The following CACNA2D3 variants were observed in gnomAD, a reference collection of about 807,000 sequenced individuals.
CACNA2D3 encodes voltage-dependent calcium channel subunit alpha-2/delta-3.
CACNA2D3 carries 60 observed loss-of-function variants against 160.6 expected under a neutral mutation model. The observed-to-expected ratio is 0.37, with a 90% CI of 0.30 to 0.46. The LOEUF (loss-of-function observed/expected upper bound fraction) is 0.46, where lower values mean the gene tolerates loss of function less well. Ranked by LOEUF, CACNA2D3 falls within the 20% of genes least tolerant of loss-of-function variation. CACNA2D3 has a pLI of 1.00. For synonymous variants in CACNA2D3, 558 were observed against 492.9 expected, an observed-to-expected ratio of 1.13 and a Z score of -1.75; for missense variants, 1,205 against 1,365.0, an observed-to-expected ratio of 0.88 and a Z score of 1.85.
intron 3 of CACNA2D3, among the ~76,000 whole-genome samples, chr3:54,357,974 T>C (rs1698678298): frequency 6.6e-6 from 1 of 152,234 alleles, no homozygotes; most frequent in Admixed American, 6.5e-5. Flanking sequence ...CTGCTTTGTA[T>C]GATACTGTAA....
intron 11 of CACNA2D3, among the ~76,000 whole-genome samples, chr3:54,645,111 G>A (rs1240846261): frequency 2.6e-5 from 4 of 152,214 alleles, no homozygotes; most frequent in Non-Finnish European, 4.4e-5. Context: ...ACTCACAATT[G>A]TGCATGGCTG....
intron 4 of CACNA2D3, among the ~76,000 whole-genome samples, chr3:54,400,351 G>C (rs551369910): frequency 6.6e-6 from 1 of 151,842 alleles, no homozygotes; most frequent in Non-Finnish European, 1.5e-5. Flanking sequence ...TTAGAACTCA[G>C]GTGCCAAAAT....
intron 5 of CACNA2D3, among the ~76,000 whole-genome samples, chr3:54,553,819 T>C (rs1006496393): frequency 1.3e-5 from 2 of 152,304 alleles, no homozygotes; most frequent in East Asian, 3.9e-4. Context: ...CCATGAAGTT[T>C]CTGATTGCCT....
At chr3:54,916,140 T>C (rs1700654475) in intron 27 of CACNA2D3, among the ~76,000 whole-genome samples, 1 of 152,134 alleles carries the variant, frequency 6.6e-6, no homozygotes, top group African/African-American at 2.4e-5. Context: ...TAATGTAATA[T>C]CCGTTCAAGT....
At chr3:54,262,686 G>A (rs1276673135) in intron 2 of CACNA2D3, among the ~76,000 whole-genome samples, 1 of 152,124 alleles carries the variant, frequency 6.6e-6, no homozygotes, top group Admixed American at 6.5e-5. Flanking sequence ...TGGAGCTGGG[G>A]GACACAGGGG....
At chr3:54,138,508 G>A (rs764781856) in intron 2 of CACNA2D3, among the ~76,000 whole-genome samples, 4 of 152,168 alleles carry the variant, frequency 2.6e-5, no homozygotes, top group Admixed American at 6.5e-5. Flanking sequence ...CACTGCATCC[G>A]GTGTTTGTTA....
intron 3 of CACNA2D3, among the ~76,000 whole-genome samples, chr3:54,363,234 T>A (rs1698774334): frequency 6.6e-6 from 1 of 152,122 alleles, no homozygotes; most frequent in Non-Finnish European, 1.5e-5. Flanking sequence ...CAATCACTTT[T>A]GCATTTTATG....
Position 54,777,769 on chromosome 3 carries a change from A to G in CACNA2D3, c.1380+13418A>G, listed in dbSNP as rs756413457. Among the ~76,000 whole-genome samples the G allele has an allele frequency of 3.9e-5, 6 of 152,300 alleles. No homozygotes were observed. The East Asian group carries it at 5.8e-4, about 15-fold the overall frequency. On this transcript the variant is annotated intron_variant, in intron 13 of 37. Transcript: ENST00000474759. ...CTTCCTTTGAGGAACATGGGGTTCAATGGACCCCCATGGTATTCCAATAGC... is the reference window on the plus strand; with the variant it reads ...CTTCCTTTGAGGAACATGGGGTTCAGTGGACCCCCATGGTATTCCAATAGC...
At chr3:54,861,522 G>A (rs1457281800) in intron 17 of CACNA2D3, among the ~76,000 whole-genome samples, 3 of 152,142 alleles carry the variant, frequency 2.0e-5, no homozygotes, top group African/African-American at 7.2e-5. Flanking sequence ...GGAGCTATGA[G>A]GATTCCAGCC....
intron 11 of CACNA2D3, among the ~76,000 whole-genome samples, chr3:54,708,224 G>A (rs960406038): frequency 6.6e-6 from 1 of 152,096 alleles, no homozygotes; most frequent in South Asian, 2.1e-4. Context: ...CTAATTCACT[G>A]GTCTTTAATC....
intron 11 of CACNA2D3, among the ~76,000 whole-genome samples, chr3:54,740,435 G>C (rs2107040173): frequency 6.6e-6 from 1 of 152,196 alleles, no homozygotes; most frequent in Middle Eastern, 3.4e-3. Flanking sequence ...CCTACAGTAG[G>C]GTCTTCAGCC....
intron 4 of CACNA2D3, among the ~76,000 whole-genome samples, chr3:54,390,201 T>C (rs1465411558): frequency 2.0e-5 from 3 of 152,338 alleles, no homozygotes; most frequent in East Asian, 3.9e-4. Context: ...TTTGTGGTTT[T>C]AGTTCAGCCA....
At chr3:54,995,076 C>T (rs573053754) in intron 31 of CACNA2D3, among the ~76,000 whole-genome samples, 3 of 152,174 alleles carry the variant, frequency 2.0e-5, no homozygotes, top group East Asian at 3.9e-4. Flanking sequence ...CGGATTCAAG[C>T]GATTTTCCTG....
At chr3:54,503,785 T>C (rs1701328350) in intron 5 of CACNA2D3, 131 bp downstream of exon 5, 1 of 740,990 alleles carries the variant, frequency 1.3e-6, no homozygotes, top group Non-Finnish European at 2.2e-6. Flanking sequence ...AAGCTGAGTG[T>C]GTCAGGTATC....
chr3:54,739,416 A>G (rs1310362063), intron 11 of CACNA2D3, among the ~76,000 whole-genome samples: 1 of 120,576 alleles, frequency 8.3e-6, no homozygotes, highest in African/African-American at 3.2e-5. Flanking sequence ...GGAGAGTGAG[A>G]CTCTGTCTCA....
intron 35 of CACNA2D3, among the ~76,000 whole-genome samples, chr3:55,072,218 T>A (rs1205279207): frequency 6.6e-6 from 1 of 152,184 alleles, no homozygotes; most frequent in East Asian, 1.9e-4. Context: ...TGAGGAAACA[T>A]CTTTGCACAG....
intron 17 of CACNA2D3, among the ~76,000 whole-genome samples, chr3:54,854,869 A>C (rs1462178582): frequency 6.6e-6 from 1 of 152,186 alleles, no homozygotes; most frequent in Non-Finnish European, 1.5e-5. Flanking sequence ...TCAGAAGAAA[A>C]ACCAAGAAGA....
At chr3:54,767,769 A>C (rs1174716672) in intron 13 of CACNA2D3, among the ~76,000 whole-genome samples, 7 of 152,206 alleles carry the variant, frequency 4.6e-5, no homozygotes, top group Non-Finnish European at 7.3e-5. Flanking sequence ...TGGTCATGTC[A>C]AAAGGACACA....
At chr3:54,864,910 C>T (rs142360055) in intron 17 of CACNA2D3, among the ~76,000 whole-genome samples, 2 of 152,248 alleles carry the variant, frequency 1.3e-5, no homozygotes, top group East Asian at 1.9e-4. Flanking sequence ...CTGGGTGCTG[C>T]GTTTTCCCAT....
Sources: allele counts gnomAD v4.1 joint callset (sites outside exome capture counted in the v4.1 genomes callset), GRCh38; gene constraint gnomAD v4.1.1; transcripts MANE v1.5; gene names NCBI Gene and HGNC (gene_info 2026-07-23, HGNC 2026-07-21).